RAB7A: variants seen among roughly 807,000 people sequenced by gnomAD.
RAB7A encodes RAB7A, member RAS oncogene family.
RAB7A carries 2 observed loss-of-function variants against 24.5 expected under a neutral mutation model. That is an observed-to-expected ratio of 0.08 (90% CI 0.03 to 0.26). The LOEUF (loss-of-function observed/expected upper bound fraction) is 0.26, where lower values mean the gene tolerates loss of function less well. Among genes scored for constraint, RAB7A ranks in the 10% least tolerant of loss-of-function variants. The pLI is 1.00. For missense variants in RAB7A, 118 were observed against 255.7 expected (o/e 0.46, Z 3.67); for synonymous variants, 100 against 95.9 (o/e 1.04, Z -0.25).
intron 3 of RAB7A, among the ~76,000 whole-genome samples, chr3:128,800,653 G>T (rs145150549): frequency 0.012 from 1,876 of 152,300 alleles, 39 homozygotes; most frequent in African/African-American, 0.042. Flanking sequence ...CAGCACTGAG[G>T]CTGTCAGGTG....
At chr3:128,775,029 A>G (rs1168288495) in intron 1 of RAB7A, among the ~76,000 whole-genome samples, 2 of 152,084 alleles carry the variant, frequency 1.3e-5, no homozygotes, top group Non-Finnish European at 2.9e-5. Flanking sequence ...TGATCCACCC[A>G]CCTTGGCCTC....
intron 1 of RAB7A, among the ~76,000 whole-genome samples, chr3:128,754,743 G>A (rs935057633): frequency 6.6e-6 from 1 of 152,100 alleles, no homozygotes; most frequent in Non-Finnish European, 1.5e-5. Flanking sequence ...AAAAGAGATC[G>A]GGGTTGCTAC....
chr3:128,779,333 A>G (rs7634529), intron 1 of RAB7A, among the ~76,000 whole-genome samples: 1,796 of 151,912 alleles, frequency 0.012, 32 homozygotes, highest in African/African-American at 0.039. Flanking sequence ...GCTTGAGCCC[A>G]GGAGACAAAG....
intron 1 of RAB7A, among the ~76,000 whole-genome samples, chr3:128,787,801 C>T (rs550426767): frequency 2.8e-4 from 42 of 152,208 alleles, no homozygotes; most frequent in Non-Finnish European, 5.1e-4. Context: ...GCCTTAAACT[C>T]CTGGGCTCAA....
At chr3:128,735,190 G>T (rs1310205085) in intron 1 of RAB7A, among the ~76,000 whole-genome samples, 1 of 152,192 alleles carries the variant, frequency 6.6e-6, no homozygotes, top group Non-Finnish European at 1.5e-5. Context: ...TCAATGCCTG[G>T]GGTGGTGAGG....
chr3:128,771,779 A>T (rs935375510), intron 1 of RAB7A, among the ~76,000 whole-genome samples: 2 of 152,238 alleles, frequency 1.3e-5, no homozygotes, highest in East Asian at 1.9e-4. Flanking sequence ...TCGTTCTGTT[A>T]TACCAGAGTT....
intron 1 of RAB7A, among the ~76,000 whole-genome samples, chr3:128,730,661 C>T (rs900442756): frequency 1.3e-5 from 2 of 152,314 alleles, no homozygotes; most frequent in South Asian, 4.1e-4. Flanking sequence ...ATTTTAGTAT[C>T]CCAGGCTGTG....
At chr3:128,807,852 T>A (rs1243223157) in intron 5 of RAB7A, among the ~76,000 whole-genome samples, 181 bp downstream of exon 5, 2 of 152,298 alleles carry the variant, frequency 1.3e-5, no homozygotes, top group African/African-American at 4.8e-5. Flanking sequence ...GAAATCCCAC[T>A]TTGGGGGGAA....
At chr3:128,776,089 C>T (rs1313920567) in intron 1 of RAB7A, among the ~76,000 whole-genome samples, 3 of 152,100 alleles carry the variant, frequency 2.0e-5, no homozygotes, top group Non-Finnish European at 4.4e-5. Context: ...CTCTCTGTTT[C>T]TATGAGTTTG....
intron 1 of RAB7A, among the ~76,000 whole-genome samples, chr3:128,766,137 G>A (rs1278620200): frequency 6.6e-6 from 1 of 152,136 alleles, no homozygotes; most frequent in African/African-American, 2.4e-5. Flanking sequence ...TTAACATTCA[G>A]ACCAGAGCAG....
intron 1 of RAB7A, among the ~76,000 whole-genome samples, chr3:128,773,136 G>A (rs1932993682): frequency 6.6e-6 from 1 of 151,798 alleles, no homozygotes; most frequent in Admixed American, 6.6e-5. Flanking sequence ...ATCCCATCTA[G>A]GAAGTAAGGA....
rs372815611 is a variant in RAB7A, at chr3:128,760,953, G to A, written c.-8-34407G>A. Among the ~76,000 whole-genome samples the A allele has an allele frequency of 1.1e-4, 16 of 152,306 alleles. 1 individual carries two copies. Among genetic ancestry groups the A allele is most frequent in the Admixed American group, 3.3e-4 (5 of 15,294 alleles). On this transcript the variant is annotated intron_variant, in intron 1 of 5. Transcript: ENST00000265062. ...TGGAATCCTCCCTACAACCCTAAGA[G>A]GTGGAGAGGAAGCCTTTCTTACAGA...
At chr3:128,755,138 T>A (rs1469371069) in intron 1 of RAB7A, among the ~76,000 whole-genome samples, 3 of 152,152 alleles carry the variant, frequency 2.0e-5, no homozygotes, top group Admixed American at 2.0e-4. Context: ...AAGAGATTTT[T>A]AAAAATACGA....
chr3:128,754,691 A>G (rs2070714546), intron 1 of RAB7A, among the ~76,000 whole-genome samples: 1 of 152,212 alleles, frequency 6.6e-6, no homozygotes, highest in Admixed American at 6.5e-5. Context: ...AAAAAATTTA[A>G]TGTGACAGGA....
At chr3:128,764,836 T>C (rs1576283859) in intron 1 of RAB7A, 2 of 1,023,474 alleles carry the variant, frequency 2.0e-6, no homozygotes, top group Non-Finnish European at 3.1e-6. Flanking sequence ...CCTCTCCTCA[T>C]GAGATTGGTG....
At chr3:128,807,023 C>T (rs1933818262) in intron 4 of RAB7A, among the ~76,000 whole-genome samples, 1 of 152,200 alleles carries the variant, frequency 6.6e-6, no homozygotes, top group African/African-American at 2.4e-5. Context: ...TTAATTACAA[C>T]TAGGTTTATT....
intron 1 of RAB7A, among the ~76,000 whole-genome samples, chr3:128,776,368 C>G (rs917888747): frequency 6.6e-6 from 1 of 152,042 alleles, no homozygotes; most frequent in African/African-American, 2.4e-5. Context: ...CTCCCAGGCT[C>G]AAGTGATCCT....
At chr3:128,782,380 G>T (rs1038022595) in intron 1 of RAB7A, among the ~76,000 whole-genome samples, 3 of 152,094 alleles carry the variant, frequency 2.0e-5, no homozygotes, top group Non-Finnish European at 4.4e-5. Flanking sequence ...GCTGATGCCC[G>T]CATGGGTGGA....
At chr3:128,737,867 A>G (rs1242717639) in intron 1 of RAB7A, among the ~76,000 whole-genome samples, 1 of 104,416 alleles carries the variant, frequency 9.6e-6, no homozygotes, top group South Asian at 3.6e-4. Context: ...TAAGAGATAG[A>G]GTTTCACCGT....
Sources: gnomAD v4.1 joint callset for allele counts (sites outside exome capture counted in the v4.1 genomes callset) on GRCh38, gnomAD v4.1.1 for gene constraint, MANE v1.5 for transcripts, NCBI Gene and HGNC (gene_info 2026-07-23, HGNC 2026-07-21) for gene names.